The following LRRFIP2 variants were observed in gnomAD, a reference collection of about 807,000 sequenced individuals.
The protein encoded by LRRFIP2 is LRR binding FLII interacting protein 2, also known as leucine-rich repeat flightless-interacting protein 2.
LRRFIP2 carries 109 observed loss-of-function variants against 125.9 expected under a neutral mutation model. The observed-to-expected ratio is 0.87, with a 90% CI of 0.74 to 1.01. The LOEUF (loss-of-function observed/expected upper bound fraction) is 1.01. Among genes scored for constraint, LRRFIP2 ranks in the 50% least tolerant of loss-of-function variants. The probability of loss-of-function intolerance (pLI) is 0.00; values close to 1 mark genes in which losing one functional copy is unlikely to be tolerated. For missense variants in LRRFIP2, 850 were observed against 862.3 expected (o/e 0.99, Z 0.18); for synonymous variants, 291 against 293.1 (o/e 0.99, Z 0.07).
intron 23 of LRRFIP2, 175 bp from the exon 24 acceptor site, chr3:37,063,966 T>G (rs1199628776): frequency 7.1e-6 from 4 of 562,180 alleles, no homozygotes; most frequent in Non-Finnish European, 1.3e-5. Context: ...TTCTTAACTA[T>G]CTAAAAAGTA....
chr3:37,165,795 GAGAAAGAA>G (rs780657651), intron 1 of LRRFIP2, among the ~76,000 whole-genome samples: 4 of 17,998 alleles, frequency 2.2e-4, no homozygotes, highest in African/African-American at 5.3e-4. Flanking sequence ...GAGAAAGAAA[GAGAAAGAA>G]AGAAAGAAAG....
chr3:37,057,378 G>A (rs1160415471), intron 25 of LRRFIP2, among the ~76,000 whole-genome samples: 1 of 152,160 alleles, frequency 6.6e-6, no homozygotes, highest in Non-Finnish European at 1.5e-5. Context: ...CTTTTCCCAT[G>A]TCCCTGTTCT....
rs749776302 is a variant in LRRFIP2 at position 37,066,300 on chromosome 3, A to G, written c.1490T>C (p.Ile497Thr). Residue 497 changes from isoleucine (I) to threonine (T), a missense_variant, in exon 22 of 28, where the codon ATT (isoleucine) becomes ACT (threonine). Physicochemically the swap from Ile to Thr is moderately conservative, Grantham distance 89. Coordinates refer to ENST00000336686, the MANE Select transcript of LRRFIP2 (RefSeq NM_006309.4). Reference protein sequence around the residue: ...IGALEKQKEYIACLRNERDML... With the variant: ...IGALEKQKEYTACLRNERDML... Reference sequence around the variant, plus strand: ...ATCTCGCTCATTCCTAAGGCAGGCAATGTATTCTTTCTGTTTCTCTAGGGC... The same window carrying G: ...ATCTCGCTCATTCCTAAGGCAGGCAGTGTATTCTTTCTGTTTCTCTAGGGC... The G allele has an allele frequency of 1.9e-6, 3 of 1,614,120 alleles. No individual in the cohort carries two copies. Among genetic ancestry groups the G allele is most frequent in the African/African-American group, 1.3e-5 (1 of 75,034 alleles).
intron 1 of LRRFIP2, among the ~76,000 whole-genome samples, chr3:37,169,130 G>C (rs1203442807): frequency 6.6e-6 from 1 of 152,210 alleles, no homozygotes; most frequent in Non-Finnish European, 1.5e-5. Flanking sequence ...ATACTGTCCA[G>C]GTTAGTGTAA....
At chr3:37,092,760 C>T (rs945925044) in intron 17 of LRRFIP2, among the ~76,000 whole-genome samples, 7 of 152,170 alleles carry the variant, frequency 4.6e-5, no homozygotes, top group East Asian at 3.9e-4. Context: ...CCTTCTCTGC[C>T]GCTGTTGCAA....
Position 37,084,652 on chromosome 3 carries a change from C to T in LRRFIP2, c.1108-846G>A, listed in dbSNP as rs978545976. On this transcript the variant is annotated intron_variant, in intron 18 of 27. Transcript: ENST00000336686. ...CCGCACTCCAGCCTGGGTGACAGAG[C>T]GAGACCCTATCTCTATCAATAAAAC... Among the ~76,000 whole-genome samples, 7 of 151,544 alleles carry T rather than the reference C, an allele frequency of 4.6e-5. 1 individual carries two copies. Among genetic ancestry groups the T allele is most frequent in the African/African-American group, 9.7e-5 (4 of 41,196 alleles).
At chr3:37,058,746 C>T (rs2087668741) in intron 25 of LRRFIP2, 44 bp downstream of exon 25, 1 of 1,591,288 alleles carries the variant, frequency 6.3e-7, no homozygotes, top group South Asian at 1.1e-5. Flanking sequence ...CCCTGGGACA[C>T]AGTCTATATA....
At chr3:37,103,060 G>C in intron 14 of LRRFIP2, 47 bp from the exon 15 acceptor site, 1 of 1,430,250 alleles carries the variant, frequency 7.0e-7, no homozygotes. Context: ...TAAGAAAAAA[G>C]AAAGAAAAAA....
Position 37,161,012 on chromosome 3 carries a change from G to A in LRRFIP2, c.-55-11974C>T, listed in dbSNP as rs1317625089. The stretch of plus-strand genomic sequence containing the variant: ...AGCTGATGAATGGATAAGCAAATGC[G>A]GCATATCCATAAAATGGAATATTAC... On this transcript the variant is annotated intron_variant, in intron 1 of 27. Transcript: ENST00000336686. Among the ~76,000 whole-genome samples, 7 of 151,894 alleles carry A rather than the reference G, an allele frequency of 4.6e-5. No homozygotes were observed. The South Asian group carries it at 1.0e-3, about 23-fold the overall frequency.
At chr3:37,132,685 G>C (rs1046138609) in intron 2 of LRRFIP2, among the ~76,000 whole-genome samples, 2 of 152,236 alleles carry the variant, frequency 1.3e-5, no homozygotes, top group East Asian at 3.9e-4. Context: ...GAGTAGCAAG[G>C]AGCCAACACT....
At position 37,127,615 on chromosome 3, in the gene LRRFIP2, G is replaced by A. The variant is rs2095317220; in HGVS notation, c.228+15C>T. 6.2e-7 allele frequency: 1 copy of A among 1,612,034 alleles called. No homozygotes were observed. ...CAATTGATCACAACATGCAGGACAG[G>A]CAATACTGGCCTACCAGCCACTTCT... On this transcript the variant is annotated intron_variant, in intron 4 of 27. Coordinates refer to ENST00000336686, the MANE Select transcript of LRRFIP2 (RefSeq NM_006309.4).
chr3:37,093,357 G>C (rs902060266), intron 17 of LRRFIP2: 1 of 152,430 alleles, frequency 6.6e-6, no homozygotes, highest in South Asian at 2.1e-4. Context: ...CAGGTATTTT[G>C]ATCTGTCAGT....
chr3:37,127,775 A>G (rs2095322807), intron 3 of LRRFIP2, 95 bp from the exon 4 acceptor site: 22 of 943,754 alleles, frequency 2.3e-5, no homozygotes, highest in Non-Finnish European at 2.9e-5. Flanking sequence ...CCTAAAAAAC[A>G]ATGATAGCTG....
intron 20 of LRRFIP2, among the ~76,000 whole-genome samples, chr3:37,073,116 T>C (rs1316846159): frequency 3.9e-5 from 6 of 152,236 alleles, no homozygotes; most frequent in African/African-American, 1.4e-4. Context: ...CCAGGAATAA[T>C]TGTTCCAACC....
chr3:37,136,673 T>C (rs913035273), intron 2 of LRRFIP2, among the ~76,000 whole-genome samples: 1 of 152,050 alleles, frequency 6.6e-6, no homozygotes, highest in Non-Finnish European at 1.5e-5. Context: ...GAGGATAGAA[T>C]ATATAGTATT....
intron 19 of LRRFIP2, among the ~76,000 whole-genome samples, chr3:37,077,879 A>G (rs2092264497): frequency 6.6e-6 from 1 of 152,192 alleles, no homozygotes; most frequent in Non-Finnish European, 1.5e-5. Context: ...CATTATGCTA[A>G]ATGAAGTAAA....
intron 18 of LRRFIP2, among the ~76,000 whole-genome samples, chr3:37,084,299 G>A (rs1014011827): frequency 2.6e-5 from 4 of 152,002 alleles, no homozygotes; most frequent in African/African-American, 9.7e-5. Context: ...CAACATAAAG[G>A]TAAATATTTT....
chr3:37,145,528 A>G (rs2095837098), intron 2 of LRRFIP2, among the ~76,000 whole-genome samples: 1 of 152,026 alleles, frequency 6.6e-6, no homozygotes, highest in African/African-American at 2.4e-5. Context: ...TCCAAAGCCC[A>G]CCTCTCCTGG....
At chr3:37,163,890 T>C (rs1471330094) in intron 1 of LRRFIP2, among the ~76,000 whole-genome samples, 1 of 152,246 alleles carries the variant, frequency 6.6e-6, no homozygotes, top group South Asian at 2.1e-4. Context: ...AGGAAACTTC[T>C]AGGATAAATG....
Sources: gnomAD v4.1 joint callset for allele counts (sites outside exome capture counted in the v4.1 genomes callset) on GRCh38, gnomAD v4.1.1 for gene constraint, MANE v1.5 for transcripts, NCBI Gene and HGNC (gene_info 2026-07-23, HGNC 2026-07-21) for gene names.